GGNBP2: variants seen among roughly 807,000 people sequenced by gnomAD.
GGNBP2 encodes the protein gametogenetin-binding protein 2.
A neutral mutation model predicts 85.9 loss-of-function variants in GGNBP2; 10 were observed. The ratio of observed to expected loss-of-function variants is 0.12; its 90% confidence interval spans 0.07 to 0.20. The LOEUF (loss-of-function observed/expected upper bound fraction) is 0.20, where lower values mean the gene tolerates loss of function less well. Ranked by LOEUF, GGNBP2 falls within the 10% of genes least tolerant of loss-of-function variation. GGNBP2 has a pLI of 1.00. For synonymous variants in GGNBP2, 287 were observed against 285.7 expected (o/e 1.00, Z -0.05); for missense variants, 595 against 857.8 (o/e 0.69, Z 3.83).
intron 8 of GGNBP2, among the ~76,000 whole-genome samples, chr17:36,580,010 CAAAACAAAAACA>C (rs554348950): frequency 6.3e-4 from 95 of 151,198 alleles, no homozygotes; most frequent in African/African-American, 1.6e-3. Flanking sequence ...AACTCCGTCT[CAAAACAAAAACA>C]AAAACAAAAA....
chr17:36,557,302 G>A lies in GGNBP2; in HGVS notation c.394G>A (p.Ala132Thr). Residue 132 changes from alanine to threonine, a missense_variant, in exon 4 of 14, where the codon GCA becomes ACA. Around this residue, in one of 9 missense-constraint regions of GGNBP2, gnomAD observed 216 missense variants for 293.4 expected, o/e 0.74. Coordinates refer to ENST00000613102, the MANE Select transcript of GGNBP2 (RefSeq NM_024835.5). ...TGTAACTAGAAGCTGCATGACTGAT[G>A]CAAAGAAGCTTTATACATTATTTTA... is the stretch of plus-strand genomic sequence containing the variant. Reference protein sequence around the residue: ...LSVTRSCMTDAKKLYTLFYVH... With the variant: ...LSVTRSCMTDTKKLYTLFYVH... 2 of 1,613,810 alleles carry A rather than the reference G, an allele frequency of 1.2e-6. No homozygotes were observed. The highest frequency in any genetic ancestry group is 1.7e-6 in the Non-Finnish European group (2 of 1,179,744).
At chr17:36,554,981 A>T (rs1044485137) in intron 3 of GGNBP2, 81 bp downstream of exon 3, 1 of 851,008 alleles carries the variant, frequency 1.2e-6, no homozygotes, top group African/African-American at 1.7e-5. Context: ...TATTAATTTT[A>T]TATAGGATTC....
chr17:36,575,644 A>T (rs1198109566), intron 6 of GGNBP2, among the ~76,000 whole-genome samples: 1,084 of 52,320 alleles, frequency 0.021, 46 homozygotes, highest in African/African-American at 0.071. Flanking sequence ...ATATATATAT[A>T]TATATTTTTT....
chr17:36,566,705 T>G (rs1336498149), intron 5 of GGNBP2, among the ~76,000 whole-genome samples: 12 of 151,890 alleles, frequency 7.9e-5, no homozygotes, highest in Admixed American at 7.2e-4. Flanking sequence ...TACCACATAG[T>G]TCTTATTAAT....
chr17:36,575,648 A>ATATATATATTTTTTTTT (rs374366757), intron 6 of GGNBP2, among the ~76,000 whole-genome samples: 1 of 54,908 alleles, frequency 1.8e-5, no homozygotes, highest in African/African-American at 1.1e-4. Context: ...ATATATATAT[A>ATATATATATTTTTTTTT]TTTTTTTTTT....
chr17:36,571,277 T>A (rs1429683169), intron 6 of GGNBP2, among the ~76,000 whole-genome samples: 2 of 151,882 alleles, frequency 1.3e-5, no homozygotes, highest in Admixed American at 6.6e-5. Flanking sequence ...AAAGGCTGAG[T>A]GTGGTGGCTC....
At chr17:36,556,739 A>T (rs1224861760) in intron 3 of GGNBP2, among the ~76,000 whole-genome samples, 7 of 136,702 alleles carry the variant, frequency 5.1e-5, no homozygotes, top group Non-Finnish European at 7.8e-5. Context: ...AAAAAGGTAC[A>T]GCTGTATTGT....
intron 5 of GGNBP2, 114 bp downstream of exon 5, chr17:36,560,985 C>G (rs1317302454): frequency 5.3e-6 from 3 of 564,570 alleles, no homozygotes; most frequent in African/African-American, 3.9e-5. Context: ...TGGTTATACT[C>G]TATGACATAG....
chr17:36,549,363 C>T (rs1466362759), intron 2 of GGNBP2, among the ~76,000 whole-genome samples: 4 of 152,118 alleles, frequency 2.6e-5, no homozygotes, highest in Non-Finnish European at 4.4e-5. Context: ...TCACCACGCC[C>T]AGCTAATTTT....
At chr17:36,575,644 A>ATTTTTTT (rs1195389811) in intron 6 of GGNBP2, among the ~76,000 whole-genome samples, 65 of 52,466 alleles carry the variant, frequency 1.2e-3, no homozygotes, top group Non-Finnish European at 1.9e-3. Flanking sequence ...ATATATATAT[A>ATTTTTTT]TATATTTTTT....
intron 4 of GGNBP2, among the ~76,000 whole-genome samples, chr17:36,558,772 T>C (rs1371703450): frequency 6.7e-6 from 1 of 149,864 alleles, no homozygotes; most frequent in Non-Finnish European, 1.5e-5. Context: ...TTTTTTTTTT[T>C]ACTCTGAGTG....
At position 36,551,363 on chromosome 17, in the gene GGNBP2, T is replaced by C. The variant is rs373263295; in HGVS notation, c.94-3457T>C. On this transcript the variant is annotated intron_variant, in intron 2 of 13. Transcript: ENST00000613102. ...CTAGGATTACAGGCATGTGCCACTA[T>C]GGCTAATTTTTTGTATTTTTAGTAC... 1.8e-4 allele frequency among the ~76,000 whole-genome samples: 27 copies of C among 152,102 alleles called. No homozygotes were observed. The East Asian group carries it at 4.7e-3, about 26-fold the overall frequency.
At chr17:36,553,362 C>T (rs531512110) in intron 2 of GGNBP2, among the ~76,000 whole-genome samples, 1 of 152,192 alleles carries the variant, frequency 6.6e-6, no homozygotes, top group South Asian at 2.1e-4. Context: ...TCTCATATTC[C>T]TCCGTTATCA....
At chr17:36,559,991 C>T (rs1378266089) in intron 4 of GGNBP2, among the ~76,000 whole-genome samples, 2 of 152,128 alleles carry the variant, frequency 1.3e-5, no homozygotes, top group Non-Finnish European at 2.9e-5. Context: ...TGCACCACCA[C>T]ACCTGTCTAA....
At chr17:36,563,654 G>C (rs1194031434) in intron 5 of GGNBP2, among the ~76,000 whole-genome samples, 2 of 147,218 alleles carry the variant, frequency 1.4e-5, no homozygotes, top group African/African-American at 5.1e-5. Context: ...CACACATTAT[G>C]TTCTTGTAGC....
At chr17:36,561,848 C>A (rs2074420337) in intron 5 of GGNBP2, among the ~76,000 whole-genome samples, 1 of 152,166 alleles carries the variant, frequency 6.6e-6, no homozygotes, top group Non-Finnish European at 1.5e-5. Context: ...TGGTCTCGAT[C>A]TCCTGACCTC....
chr17:36,545,907 A>C, intron 2 of GGNBP2, 90 bp downstream of exon 2: 1 of 905,424 alleles, frequency 1.1e-6, no homozygotes, highest in Admixed American at 2.5e-5. Context: ...TGCGCACTGG[A>C]GAAAGAGTGT....
intron 2 of GGNBP2, chr17:36,547,256 TG>T: frequency 6.6e-6 from 1 of 152,334 alleles, no homozygotes; most frequent in Non-Finnish European, 1.5e-5. Context: ...ATTCATTTGT[TG>T]ATATTTTCTT....
intron 6 of GGNBP2, among the ~76,000 whole-genome samples, chr17:36,570,126 C>T (rs2074508557): frequency 6.6e-6 from 1 of 152,150 alleles, no homozygotes; most frequent in African/African-American, 2.4e-5. Context: ...AACTGTAGTT[C>T]CAGCACTTTG....
Sources: gnomAD v4.1 joint callset for allele counts (sites outside exome capture counted in the v4.1 genomes callset) on GRCh38, gnomAD v4.1.1 for gene constraint, gnomAD v4.1.1 regional missense constraint, MANE v1.5 for transcripts, NCBI Gene and HGNC (gene_info 2026-07-23, HGNC 2026-07-21) for gene names.